TFB1M: variants seen among roughly 807,000 people sequenced by gnomAD.
TFB1M encodes dimethyladenosine transferase 1, mitochondrial.
TFB1M carries 27 observed loss-of-function variants against 31.1 expected under a neutral mutation model. The observed-to-expected ratio is 0.87, with a 90% CI of 0.64 to 1.20. TFB1M has a LOEUF of 1.20. Among genes scored for constraint, TFB1M ranks in the 50% most tolerant of loss-of-function variants. TFB1M has a pLI of 0.00. For synonymous variants in TFB1M, 166 were observed against 151.8 expected, an observed-to-expected ratio of 1.09 and a Z score of -0.69; for missense variants, 394 against 418.7, an observed-to-expected ratio of 0.94 and a Z score of 0.51.
chr6:155,283,761 T>C (rs1340490160), intron 5 of TFB1M, among the ~76,000 whole-genome samples: 2 of 152,240 alleles, frequency 1.3e-5, no homozygotes, highest in South Asian at 2.1e-4. Context: ...TGGTTTTTGA[T>C]ATAATGAGTC....
the TFB1M span, chr6:155,247,941 TGAA>T: frequency 9.1e-5 from 140 of 1,537,822 alleles, no homozygotes; most frequent in Admixed American, 2.4e-4. Flanking sequence ...AAAAGAGAAA[TGAA>T]GAATTTAATT....
intron 4 of TFB1M, among the ~76,000 whole-genome samples, chr6:155,288,954 CA>C (rs1374205193): frequency 1.3e-5 from 2 of 152,104 alleles, no homozygotes; most frequent in African/African-American, 4.8e-5. Flanking sequence ...GTCAGGAAAC[CA>C]AACTAGTTAA....
intron 2 of TFB1M, among the ~76,000 whole-genome samples, chr6:155,309,996 A>AT (rs1240184473): frequency 6.6e-6 from 1 of 152,204 alleles, no homozygotes; most frequent in East Asian, 1.9e-4. Context: ...TTTTTAAAGC[A>AT]TAAAAACTAG....
chr6:155,252,494 T>C (rs2115356958), downstream of TFB1M, among the ~76,000 whole-genome samples: 1 of 152,194 alleles, frequency 6.6e-6, no homozygotes, highest in South Asian at 2.1e-4. Flanking sequence ...GTAAATAAAG[T>C]AGATAAATAC....
chr6:155,253,815 CTG>C (rs551468083), downstream of TFB1M: 23 of 569,304 alleles, frequency 4.0e-5, no homozygotes, highest in Non-Finnish European at 6.7e-5. Context: ...GTTCTTGTAA[CTG>C]TGAAAATCAT....
rs1435951938 is a variant in TFB1M, at chr6:155,257,984, G to GAGAT, written c.889_892dup (p.Ser298TyrfsTer5). The GAGAT allele has an allele frequency of 6.8e-6, 11 of 1,614,224 alleles. No individual in the cohort carries two copies. Among genetic ancestry groups the GAGAT allele is most frequent in the Admixed American group, 3.3e-5 (2 of 60,026 alleles). On this transcript the variant is annotated frameshift_variant, in exon 7 of 7. Transcript: ENST00000367166. LOFTEE classifies it low-confidence loss of function (END_TRUNC). ...TACATCACAGAGGCTCTTAAAGTGT[G>GAGAT]AGATGGAGAGCTGGCGGGGCCGAAG...
chr6:155,284,412 T>G (rs1776528036), intron 5 of TFB1M, among the ~76,000 whole-genome samples: 1 of 152,236 alleles, frequency 6.6e-6, no homozygotes, highest in African/African-American at 2.4e-5. Context: ...CATGAGGCTG[T>G]GAACTCCCTG....
downstream of TFB1M, chr6:155,254,542 T>G: frequency 4.3e-6 from 7 of 1,613,706 alleles, no homozygotes; most frequent in Non-Finnish European, 5.9e-6. Flanking sequence ...TGGTACCTCT[T>G]AAGAACCGAG....
chr6:155,306,328 A>G (rs1228075870), intron 2 of TFB1M, among the ~76,000 whole-genome samples: 1 of 152,122 alleles, frequency 6.6e-6, no homozygotes, highest in Admixed American at 6.5e-5. Context: ...CTACCACAGG[A>G]CCCGGATATT....
At chr6:155,281,628 A>T (rs1230092303) in intron 5 of TFB1M, among the ~76,000 whole-genome samples, 1 of 149,066 alleles carries the variant, frequency 6.7e-6, no homozygotes, top group African/African-American at 2.5e-5. Flanking sequence ...AGGCTGAGGC[A>T]GGAGAATCAT....
At chr6:155,290,405 A>AAAGAAAAG (rs1776860427) in intron 4 of TFB1M, among the ~76,000 whole-genome samples, 1 of 145,662 alleles carries the variant, frequency 6.9e-6, no homozygotes, top group African/African-American at 2.6e-5. Context: ...AAAAAAAAAA[A>AAAGAAAAG]AAAAAGAAAA....
intron 4 of TFB1M, among the ~76,000 whole-genome samples, chr6:155,287,322 G>A (rs796333608): frequency 1.1e-4 from 17 of 152,034 alleles, no homozygotes; most frequent in African/African-American, 3.4e-4. Context: ...ATACTTACAC[G>A]GGCGATAGGT....
downstream of TFB1M, among the ~76,000 whole-genome samples, chr6:155,252,631 G>A (rs558092357): frequency 2.0e-5 from 3 of 152,240 alleles, no homozygotes; most frequent in East Asian, 5.8e-4. Flanking sequence ...TCAGAAAAAA[G>A]CAAAGCCTAG....
At chr6:155,280,843 C>A (rs186693134) in intron 5 of TFB1M, among the ~76,000 whole-genome samples, 362 of 152,324 alleles carry the variant, frequency 2.4e-3, no homozygotes, top group Non-Finnish European at 2.2e-3. Flanking sequence ...TAGCTGTGAA[C>A]AAGCAGGGTT....
the TFB1M span, chr6:155,248,103 G>C: frequency 1.9e-6 from 3 of 1,614,216 alleles, no homozygotes; most frequent in Non-Finnish European, 2.5e-6. Context: ...TTCAGAGAGT[G>C]CTCAAGTACC....
Position 155,314,319 on chromosome 6 carries a change from A to G in TFB1M, c.110T>C (p.Phe37Ser). 1 of 1,614,160 alleles carries G rather than the reference A, an allele frequency of 6.2e-7. No individual in the cohort carries two copies. Residue 37 changes from phenylalanine to serine, a missense_variant, in exon 1 of 7, where the codon TTC becomes TCC. Around this residue, in one of 3 missense-constraint regions of TFB1M, gnomAD observed 273 missense variants for 256.4 expected, o/e 1.06. Transcript: ENST00000367166. ...LQAAKQLSQN[F>S]LLDLRLTDKI... is the part of the protein sequence containing the mutation. ...ACCTGTCAGCCTCAAGTCCAGGAGGAAATTCTGTGATAGCTGCTTCGCTGC... is the reference window on the plus strand; with the variant it reads ...ACCTGTCAGCCTCAAGTCCAGGAGGGAATTCTGTGATAGCTGCTTCGCTGC...
Position 155,265,736 on chromosome 6 carries a change from A to T in TFB1M, c.667-5336T>A, listed in dbSNP as rs558039930. ...ATATTTATATATAATATAAATATATATTATATATAATATATAATATATATT... is the reference window on the plus strand; with the variant it reads ...ATATTTATATATAATATAAATATATTTTATATATAATATATAATATATATT... On this transcript the variant is annotated intron_variant, in intron 5 of 6. Transcript: ENST00000367166. Among the ~76,000 whole-genome samples the T allele has an allele frequency of 3.3e-3, 462 of 140,708 alleles. 2 individuals carry two copies. The highest frequency in any genetic ancestry group is 0.011 in the African/African-American group (418 of 36,482). 92.3% of individuals were successfully genotyped at this position (140,708 alleles called of 152,430 possible).
At chr6:155,308,709 C>A (rs1465092925) in intron 2 of TFB1M, among the ~76,000 whole-genome samples, 1 of 152,206 alleles carries the variant, frequency 6.6e-6, no homozygotes, top group Non-Finnish European at 1.5e-5. Context: ...TAAACTGCCT[C>A]ATGAAAATAC....
At chr6:155,238,267 A>C in the TFB1M span, among the ~76,000 whole-genome samples, 1 of 152,178 alleles carries the variant, frequency 6.6e-6, no homozygotes, top group Non-Finnish European at 1.5e-5. Context: ...ATCTGAGACC[A>C]CCTCAGCCTG....
Sources: gnomAD v4.1 joint callset for allele counts (sites outside exome capture counted in the v4.1 genomes callset) on GRCh38, gnomAD v4.1.1 for gene constraint, gnomAD v4.1.1 regional missense constraint, MANE v1.5 for transcripts, NCBI Gene and HGNC (gene_info 2026-07-23, HGNC 2026-07-21) for gene names.